Variants in HELZ observed in about 807,000 individuals in gnomAD.
HELZ encodes the protein ATP-dependent RNA helicase with zinc finger domain.
In HELZ, 23 loss-of-function variants were observed where a neutral mutation model predicts 218.2. The observed-to-expected ratio is 0.11, with a 90% confidence interval of 0.08 to 0.15. HELZ has a LOEUF of 0.15. HELZ is among the 10% of genes least tolerant of loss of function. HELZ has a pLI of 1.00. For missense variants in HELZ, 1,813 were observed against 2,353.7 expected (o/e 0.77, Z 4.75); for synonymous variants, 814 against 829.4 (o/e 0.98, Z 0.32).
chr17:67,094,846 T>G (rs1459971503), intron 31 of HELZ, among the ~76,000 whole-genome samples: 2 of 152,218 alleles, frequency 1.3e-5, no homozygotes, highest in African/African-American at 4.8e-5. Flanking sequence ...AATAATGTAT[T>G]GCTTGTGATT....
intron 3 of HELZ, among the ~76,000 whole-genome samples, chr17:67,219,196 A>G (rs1227398061): frequency 6.6e-6 from 1 of 152,242 alleles, no homozygotes; most frequent in African/African-American, 2.4e-5. Flanking sequence ...CCAAATCTCC[A>G]AATTTCAGTT....
At chr17:67,079,279 G>A (rs2036112794) in intron 32 of HELZ, among the ~76,000 whole-genome samples, 1 of 152,100 alleles carries the variant, frequency 6.6e-6, no homozygotes, top group Non-Finnish European at 1.5e-5. Flanking sequence ...CAAATTCACT[G>A]AGGACAATTG....
chr17:67,127,490 A>T (rs2037836638), intron 24 of HELZ, among the ~76,000 whole-genome samples: 1 of 152,240 alleles, frequency 6.6e-6, no homozygotes, highest in African/African-American at 2.4e-5. Flanking sequence ...TTCTCAGCTG[A>T]ATACCTATTT....
chr17:67,106,823 AT>A (rs1323708962), intron 31 of HELZ, among the ~76,000 whole-genome samples: 1 of 152,226 alleles, frequency 6.6e-6, no homozygotes, highest in African/African-American at 2.4e-5. Flanking sequence ...TCATTAACAA[AT>A]TTATAATTAA....
chr17:67,164,553 T>C (rs2039083375), intron 15 of HELZ, among the ~76,000 whole-genome samples: 2 of 152,198 alleles, frequency 1.3e-5, no homozygotes, highest in Admixed American at 6.5e-5. Context: ...TTTAACACTA[T>C]GGAATTGTAC....
At position 67,244,555 on chromosome 17, in the gene HELZ, G is replaced by A. The variant is rs2041417327; in HGVS notation, c.-132+593C>T. The A allele has an allele frequency of 5.2e-6, 5 of 955,138 alleles. No individual in the cohort carries two copies. The South Asian group carries it at 2.4e-4, about 46-fold the overall frequency. 59.2% of individuals were successfully genotyped at this position (955,138 alleles called of 1,614,324 possible). On this transcript the variant is annotated intron_variant, in intron 1 of 32. Coordinates refer to ENST00000358691, the MANE Select transcript of HELZ (RefSeq NM_014877.4). Reference sequence around the variant, plus strand: ...CTTTATTTTTGTTGATGTGCTTGTGGGCCAAAGAGCATTTCCGAGGAGGGG... The same window carrying A: ...CTTTATTTTTGTTGATGTGCTTGTGAGCCAAAGAGCATTTCCGAGGAGGGG...
intron 12 of HELZ, among the ~76,000 whole-genome samples, chr17:67,179,232 G>C (rs1478215375): frequency 1.3e-5 from 2 of 152,074 alleles, no homozygotes; most frequent in Non-Finnish European, 2.9e-5. Flanking sequence ...CTTCAGTCAA[G>C]AGAAATTTGA....
rs2037200797 is a variant in HELZ at position 67,109,208 on chromosome 17, C to G, written c.4397G>C (p.Arg1466Thr). 2 of 1,614,000 alleles carry G rather than the reference C, an allele frequency of 1.2e-6. No individual in the cohort carries two copies. The highest frequency in any genetic ancestry group is 1.6e-4 in the Middle Eastern group (1 of 6,072). The change falls in exon 29 of 33, where the codon AGA (arginine) becomes ACA (threonine). Residue 1466 changes from arginine to threonine, a missense_variant. Arg to Thr is a moderately conservative substitution (Grantham distance 71, BLOSUM62 -1). Coordinates refer to ENST00000358691, the MANE Select transcript of HELZ (RefSeq NM_014877.4). ...AATGGGGCCGGGTTGTGCAATGGCT[C>G]TCAGAGGACTGTGGCCTTCTTGCAG... Reference protein sequence around the residue: ...PMLQEGHSPLRAIAQPGPILP... With the variant: ...PMLQEGHSPLTAIAQPGPILP...
intron 5 of HELZ, among the ~76,000 whole-genome samples, chr17:67,207,211 CTTTTTT>C (rs61019173): frequency 2.6e-5 from 2 of 75,554 alleles, no homozygotes; most frequent in South Asian, 4.4e-4. Context: ...CACGCCCGGC[CTTTTTT>C]TTTTTTTTTT....
At chr17:67,128,337 CTTT>C (rs2037867889) in intron 24 of HELZ, among the ~76,000 whole-genome samples, 1 of 152,098 alleles carries the variant, frequency 6.6e-6, no homozygotes, top group South Asian at 2.1e-4. Context: ...TTTTAAACTT[CTTT>C]GTTTTATTCA....
At chr17:67,230,940 G>A (rs2041021674) in intron 3 of HELZ, among the ~76,000 whole-genome samples, 1 of 151,998 alleles carries the variant, frequency 6.6e-6, no homozygotes, top group African/African-American at 2.4e-5. Context: ...TAATATATAT[G>A]GTATAATCCC....
chr17:67,130,643 T>C (rs2037949857), intron 23 of HELZ, among the ~76,000 whole-genome samples: 1 of 152,146 alleles, frequency 6.6e-6, no homozygotes, highest in Admixed American at 6.5e-5. Flanking sequence ...AAGGACTATC[T>C]TATATAGCAC....
intron 27 of HELZ, among the ~76,000 whole-genome samples, chr17:67,116,519 ATC>A (rs1215211501): frequency 6.6e-6 from 1 of 151,820 alleles, no homozygotes; most frequent in African/African-American, 2.4e-5. Context: ...ACACCATGCT[ATC>A]ACTTGATAAG....
intron 3 of HELZ, among the ~76,000 whole-genome samples, chr17:67,228,917 T>C (rs1003436104): frequency 6.6e-6 from 1 of 152,046 alleles, no homozygotes; most frequent in African/African-American, 2.4e-5. Flanking sequence ...AGGGTGTCTC[T>C]GTGTTGGTGA....
At chr17:67,238,127 T>C (rs1274552206) in intron 3 of HELZ, among the ~76,000 whole-genome samples, 3 of 150,842 alleles carry the variant, frequency 2.0e-5, no homozygotes, top group East Asian at 3.9e-4. Context: ...AGGTGGATCA[T>C]GAGGTCAGGA....
intron 24 of HELZ, among the ~76,000 whole-genome samples, chr17:67,126,218 T>C (rs2037790825): frequency 6.6e-6 from 1 of 152,230 alleles, no homozygotes; most frequent in Non-Finnish European, 1.5e-5. Context: ...GTTGTCACTA[T>C]GTTTGTGCTT....
intron 5 of HELZ, among the ~76,000 whole-genome samples, chr17:67,208,675 G>A (rs558827626): frequency 6.6e-6 from 1 of 152,188 alleles, no homozygotes. Context: ...CCAACACTTT[G>A]GGAGGCCAAG....
intron 12 of HELZ, among the ~76,000 whole-genome samples, chr17:67,180,802 C>CG (rs1446020561): frequency 6.8e-6 from 1 of 146,718 alleles, no homozygotes; most frequent in Admixed American, 7.0e-5. Flanking sequence ...GGCGTGAACC[C>CG]GGAAGGCGGA....
intron 5 of HELZ, among the ~76,000 whole-genome samples, chr17:67,205,093 G>A (rs759055646): frequency 1.1e-4 from 16 of 152,206 alleles, no homozygotes; most frequent in East Asian, 3.9e-4. Flanking sequence ...TTGGGAGGCC[G>A]AGGCGGGCAG....
Sources: allele counts gnomAD v4.1 joint callset (sites outside exome capture counted in the v4.1 genomes callset), GRCh38; gene constraint gnomAD v4.1.1; transcripts MANE v1.5; gene names NCBI Gene and HGNC (gene_info 2026-07-23, HGNC 2026-07-21).